The following TGOLN2 variants were observed in gnomAD, a reference collection of about 807,000 sequenced individuals.
The protein encoded by TGOLN2 is trans-golgi network protein 2.
Under a neutral mutation model 31.3 loss-of-function variants are expected in TGOLN2, and 19 were observed. That is an observed-to-expected ratio of 0.61 (90% CI 0.42 to 0.89). The LOEUF (loss-of-function observed/expected upper bound fraction) is 0.89. Among genes scored for constraint, TGOLN2 ranks in the 40% least tolerant of loss-of-function variants. The probability of loss-of-function intolerance (pLI) is 0.00; values close to 1 mark genes in which losing one functional copy is unlikely to be tolerated. For missense variants in TGOLN2, 540 were observed against 559.2 expected (o/e 0.97, Z 0.35); for synonymous variants, 222 against 226.7 (o/e 0.98, Z 0.19).
At chr2:85,327,889 G>C in intron 1 of TGOLN2, 28 bp downstream of exon 1, 3 of 1,594,890 alleles carry the variant, frequency 1.9e-6, no homozygotes, top group Admixed American at 1.7e-5. Flanking sequence ...CTGGGGGCAA[G>C]AGTGGGATGC....
rs1257796552 is a variant in TGOLN2, at chr2:85,321,782, A to T, written c.*954T>A. On this transcript the variant is annotated 3_prime_UTR_variant, in exon 4 of 4. Coordinates refer to ENST00000377386, the MANE Select transcript of TGOLN2 (RefSeq NM_006464.4). ...GCAAAATGGACTTTGTGGGAAATGT[A>T]TCTCATAAAAGCCCTTTGGAAAAAC... is the stretch of plus-strand genomic sequence containing the variant. The T allele has an allele frequency of 1.3e-5, 2 of 152,220 alleles. No individual in the cohort carries two copies. Among genetic ancestry groups the T allele is most frequent in the Non-Finnish European group, 2.9e-5 (2 of 68,044 alleles). The allele number at this position is 152,220 out of a possible 1,614,324, so 9.4% of individuals were successfully genotyped here. A position where few individuals can be genotyped will look rare whatever the true frequency, so the allele number is the denominator to read the frequency against.
At chr2:85,324,629 GAAAA>G (rs755099986) in intron 3 of TGOLN2, 36 of 413,296 alleles carry the variant, frequency 8.7e-5, no homozygotes, top group South Asian at 4.6e-4. Context: ...AAACTTAGCG[GAAAA>G]AAAAAAAAAA....
rs547322067 is a variant in TGOLN2 at position 85,326,571 on chromosome 2, T to A, written c.1161A>T (p.Ala387=). The change falls in exon 2 of 4, where the codon GCA becomes GCT. Residue 387 remains alanine, a synonymous_variant. Coordinates refer to ENST00000377386, the MANE Select transcript of TGOLN2 (RefSeq NM_006464.4). ...CAAGAATGGCTGCAGTCACCAGATA[T>A]GCAAAGAAGTGGCTGCTCTCCGCGC... ...NGSAESSHFF[A]YLVTAAILVA... The A allele has an allele frequency of 6.2e-7, 1 of 1,613,932 alleles. No homozygotes were observed. The highest frequency in any genetic ancestry group is 8.5e-7 in the Non-Finnish European group (1 of 1,179,884).
rs1333305659 is a variant in TGOLN2 at position 85,318,137 on chromosome 2, C to T, written c.*4599G>A. The T allele has an allele frequency of 6.6e-6, 1 of 152,120 alleles. No individual in the cohort carries two copies. Among genetic ancestry groups the T allele is most frequent in the Non-Finnish European group, 1.5e-5 (1 of 68,032 alleles). 9.4% of individuals were successfully genotyped at this position (152,120 alleles called of 1,614,324 possible). ...ACATTATGCACTGAAAAATACTTCTCATTAGACCACAACAAGCTTTAAAAA... is the reference window on the plus strand; with the variant it reads ...ACATTATGCACTGAAAAATACTTCTTATTAGACCACAACAAGCTTTAAAAA... On this transcript the variant is annotated 3_prime_UTR_variant, in exon 4 of 4. Transcript: ENST00000377386.
At position 85,318,921 on chromosome 2, in the gene TGOLN2, T is replaced by G. The variant is rs1355892798; in HGVS notation, c.*3815A>C. ...TTAACATCTATGACTGAAGCACAGATGTGTCTAATAGAAATCACCCTTCAC... is the reference window on the plus strand; with the variant it reads ...TTAACATCTATGACTGAAGCACAGAGGTGTCTAATAGAAATCACCCTTCAC... On this transcript the variant is annotated 3_prime_UTR_variant, in exon 4 of 4. Coordinates refer to ENST00000377386, the MANE Select transcript of TGOLN2 (RefSeq NM_006464.4). The G allele has an allele frequency of 6.6e-6, 1 of 152,176 alleles. No homozygotes were observed. Among genetic ancestry groups the G allele is most frequent in the Non-Finnish European group, 1.5e-5 (1 of 68,056 alleles). The allele number at this position is 152,176 out of a possible 1,614,324, so 9.4% of individuals were successfully genotyped here. A position where few individuals can be genotyped will look rare whatever the true frequency, so the allele number is the denominator to read the frequency against.
In TGOLN2 at chr2:85,327,658, C is replaced by T. The variant is rs1420233303; in HGVS notation, c.74G>A (p.Ser25Asn). Reference protein sequence around the residue: ...AGAVPLLATESVKQEEAGVRP... With the variant: ...AGAVPLLATENVKQEEAGVRP... ...TACTCCAGCTTCTTCTTGCTTGACG[C>T]TTTCGGTGGCCAAGAGCGGCACGGC... The change falls in exon 2 of 4, where the codon AGC becomes AAC. Residue 25 changes from serine to asparagine, a missense_variant. By Grantham distance (46) the Ser-to-Asn change is conservative. Transcript: ENST00000377386. 6.2e-6 allele frequency: 10 copies of T among 1,612,714 alleles called. No homozygotes were observed. The Admixed American group carries it at 1.7e-4, about 27-fold the overall frequency.
In TGOLN2 at chr2:85,322,664, A is replaced by T. The variant is rs963275661; in HGVS notation, c.*72T>A. The T allele has an allele frequency of 1.2e-5, 20 of 1,603,402 alleles. No individual in the cohort carries two copies. Among genetic ancestry groups the T allele is most frequent in the Non-Finnish European group, 1.4e-5 (16 of 1,177,594 alleles). ...GGACAAGGTTCTCAAGGACAAAAAA[A>T]TCAAAGCTGAAACGAGAGCAGCACA... is the stretch of plus-strand genomic sequence containing the variant. On this transcript the variant is annotated 3_prime_UTR_variant, in exon 4 of 4. Transcript: ENST00000377386.
At chr2:85,323,590 A>C (rs1682623192) in intron 3 of TGOLN2, among the ~76,000 whole-genome samples, 1 of 152,164 alleles carries the variant, frequency 6.6e-6, no homozygotes, top group African/African-American at 2.4e-5. Context: ...AAAAATCATA[A>C]AAGGGGGAAA....
chr2:85,323,851 C>T lies in TGOLN2; in HGVS notation c.1308+1064G>A, dbSNP rs79119990. 1.2e-4 allele frequency among the ~76,000 whole-genome samples: 19 copies of T among 152,318 alleles called. No individual in the cohort carries two copies. In the East Asian group the frequency reaches 2.7e-3, roughly 22 times the overall value. On this transcript the variant is annotated intron_variant, in intron 3 of 3. Coordinates refer to ENST00000377386, the MANE Select transcript of TGOLN2 (RefSeq NM_006464.4). ...AAGGAAGGGTGCATGCTGGTAGCAA[C>T]GCAGTGAGAGTACAGTCTTCCTGCT...
At chr2:85,322,859 G>T in intron 3 of TGOLN2, 118 bp from the exon 4 acceptor site, 1 of 1,510,654 alleles carries the variant, frequency 6.6e-7, no homozygotes, top group East Asian at 2.4e-5. Context: ...GATTTTTAAA[G>T]TTTGAAATGA....
In TGOLN2 at chr2:85,327,970, G is replaced by A; in HGVS notation, c.-8C>T. 1 of 1,586,980 alleles carries A rather than the reference G, an allele frequency of 6.3e-7. No individual in the cohort carries two copies. Among genetic ancestry groups the A allele is most frequent in the Non-Finnish European group, 8.6e-7 (1 of 1,167,024 alleles). ...GGCAACCACGAACCGCATCCTGCTC[G>A]GATAGCGCTTCCGCCCTCTAATGCT... On this transcript the variant is annotated 5_prime_UTR_variant, in exon 1 of 4. Transcript: ENST00000377386.
At position 85,319,260 on chromosome 2, in the gene TGOLN2, C is replaced by G. The variant is rs1682469442; in HGVS notation, c.*3476G>C. On this transcript the variant is annotated 3_prime_UTR_variant, in exon 4 of 4. Coordinates refer to ENST00000377386, the MANE Select transcript of TGOLN2 (RefSeq NM_006464.4). ...TGGCACGATCTCGGCTCACTGCAAC[C>G]TCCGCCTCCCGGATTCAAGCAATTC... 6.7e-6 allele frequency: 1 copy of G among 149,092 alleles called. No individual in the cohort carries two copies. The allele number at this position is 149,092 out of a possible 1,614,324, so 9.2% of individuals were successfully genotyped here.
chr2:85,323,491 G>A (rs569046118), intron 3 of TGOLN2, among the ~76,000 whole-genome samples: 84 of 152,280 alleles, frequency 5.5e-4, no homozygotes, highest in Admixed American at 1.3e-3. Flanking sequence ...GCTTGAACCC[G>A]GGTGGTGGAG....
intron 3 of TGOLN2, among the ~76,000 whole-genome samples, chr2:85,323,095 G>A (rs1020213255): frequency 1.3e-5 from 2 of 151,950 alleles, no homozygotes; most frequent in Admixed American, 6.6e-5. Flanking sequence ...CTCCCACCTC[G>A]GCTTCCTCAG....
rs1316197368 is a variant in TGOLN2, at chr2:85,319,716, C to A, written c.*3020G>T. ...TGGTAGCCAGGAAAAGCTGTGGGAC[C>A]CCTCATTTGAGTCACATCCATATGG... On this transcript the variant is annotated 3_prime_UTR_variant, in exon 4 of 4. Coordinates refer to ENST00000377386, the MANE Select transcript of TGOLN2 (RefSeq NM_006464.4). 1 of 152,148 alleles carries A rather than the reference C, an allele frequency of 6.6e-6. No individual in the cohort carries two copies. The highest frequency in any genetic ancestry group is 2.4e-5 in the African/African-American group (1 of 41,424). The allele number at this position is 152,148 out of a possible 1,614,324, so 9.4% of individuals were successfully genotyped here. A position where few individuals can be genotyped will look rare whatever the true frequency, so the allele number is the denominator to read the frequency against.
intron 2 of TGOLN2, 21 bp downstream of exon 2, chr2:85,326,487 G>C: frequency 6.2e-7 from 1 of 1,605,434 alleles, no homozygotes; most frequent in Non-Finnish European, 8.5e-7. Context: ...ACTCCCCTCC[G>C]GAAGGCCGCT....
At position 85,322,519 on chromosome 2, in the gene TGOLN2, C is replaced by T. The variant is rs545178591; in HGVS notation, c.*217G>A. 3.3e-5 allele frequency: 30 copies of T among 897,936 alleles called. No individual in the cohort carries two copies. Among genetic ancestry groups the T allele is most frequent in the Middle Eastern group, 5.0e-4 (2 of 4,026 alleles). The allele number at this position is 897,936 out of a possible 1,614,324, so 55.6% of individuals were successfully genotyped here. A position where few individuals can be genotyped will look rare whatever the true frequency, so the allele number is the denominator to read the frequency against. On this transcript the variant is annotated 3_prime_UTR_variant, in exon 4 of 4. Transcript: ENST00000377386. Reference sequence around the variant, plus strand: ...TGTCACCAAAGTGCAGGTGCAAAGCCCAAAGCAGCCCCCTACCTCTGCCAG... The same window carrying T: ...TGTCACCAAAGTGCAGGTGCAAAGCTCAAAGCAGCCCCCTACCTCTGCCAG...
chr2:85,324,188 C>T (rs932592110), intron 3 of TGOLN2, among the ~76,000 whole-genome samples: 1 of 152,074 alleles, frequency 6.6e-6, no homozygotes, highest in Non-Finnish European at 1.5e-5. Flanking sequence ...TTTGGGAGGT[C>T]GAGGCGGGCG....
intron 2 of TGOLN2, 125 bp from the exon 3 acceptor site, chr2:85,325,123 C>A (rs1002202607): frequency 2.4e-6 from 2 of 817,338 alleles, no homozygotes; most frequent in East Asian, 5.3e-5. Context: ...AAGAGCAGTA[C>A]ACTCACAGAG....
Sources: allele counts gnomAD v4.1 joint callset (sites outside exome capture counted in the v4.1 genomes callset), GRCh38; gene constraint gnomAD v4.1.1; transcripts MANE v1.5; gene names NCBI Gene and HGNC (gene_info 2026-07-23, HGNC 2026-07-21).